The following ACSS3 variants were observed in gnomAD, a reference collection of about 807,000 sequenced individuals.
The protein encoded by ACSS3 is acyl-CoA synthetase short chain family member 3.
ACSS3 carries 64 observed loss-of-function variants against 84.2 expected under a neutral mutation model. That is an observed-to-expected ratio of 0.76 (90% CI 0.62 to 0.94). The LOEUF is 0.94. Among genes scored for constraint, ACSS3 ranks in the 40% least tolerant of loss-of-function variants. The pLI, the probability that ACSS3 is intolerant of heterozygous loss-of-function variation, is 0.00. For synonymous variants in ACSS3, 317 were observed against 310.1 expected, an observed-to-expected ratio of 1.02 and a Z score of -0.23; for missense variants, 815 against 867.6, an observed-to-expected ratio of 0.94 and a Z score of 0.76.
chr12:81,124,191 G>A (rs1014749878), intron 2 of ACSS3, among the ~76,000 whole-genome samples: 2 of 152,098 alleles, frequency 1.3e-5, no homozygotes, highest in African/African-American at 2.4e-5. Flanking sequence ...TCTGACTGGT[G>A]TGACATGGTA....
At chr12:81,078,634 T>C (rs1880775047) in intron 1 of ACSS3, among the ~76,000 whole-genome samples, 1 of 152,166 alleles carries the variant, frequency 6.6e-6, no homozygotes, top group African/African-American at 2.4e-5. Flanking sequence ...TGTTACCTAT[T>C]GTGAACCCAG....
At chr12:81,251,101 T>A (rs1031307966) in intron 13 of ACSS3, among the ~76,000 whole-genome samples, 3 of 152,150 alleles carry the variant, frequency 2.0e-5, no homozygotes, top group Admixed American at 6.5e-5. Context: ...CTTTTCAGAA[T>A]CCACTCTGAA....
At chr12:81,087,477 C>G (rs187604033) in intron 1 of ACSS3, among the ~76,000 whole-genome samples, 1 of 151,812 alleles carries the variant, frequency 6.6e-6, no homozygotes, top group Admixed American at 6.6e-5. Flanking sequence ...AAAAAGAATG[C>G]TTAATTTCTA....
intron 1 of ACSS3, among the ~76,000 whole-genome samples, chr12:81,099,997 C>T (rs1319584460): frequency 2.0e-5 from 3 of 152,064 alleles, no homozygotes; most frequent in African/African-American, 7.2e-5. Flanking sequence ...AATACATGCC[C>T]CAGTCTCACT....
chr12:81,198,376 A>G (rs999714619), intron 8 of ACSS3, among the ~76,000 whole-genome samples: 14 of 152,338 alleles, frequency 9.2e-5, no homozygotes, highest in African/African-American at 3.4e-4. Flanking sequence ...TTATTGGAAC[A>G]TAGGAGTGGA....
chr12:81,147,489 A>G (rs919095444), intron 5 of ACSS3, among the ~76,000 whole-genome samples: 1 of 152,222 alleles, frequency 6.6e-6, no homozygotes, highest in Non-Finnish European at 1.5e-5. Context: ...AGGTGGGGAT[A>G]TCAGTCCTCT....
chr12:81,240,908 C>T (rs1006824598), intron 13 of ACSS3, among the ~76,000 whole-genome samples: 8 of 151,910 alleles, frequency 5.3e-5, no homozygotes, highest in African/African-American at 1.9e-4. Context: ...CATATGTATA[C>T]ATGTGACATG....
In ACSS3 at chr12:81,244,905, C is replaced by CTGTG. The variant is rs146316314; in HGVS notation, c.1720-8380_1720-8377dup. 4.4e-3 allele frequency among the ~76,000 whole-genome samples: 656 copies of CTGTG among 148,256 alleles called. 6 individuals carry two copies. The highest frequency in any genetic ancestry group is 5.5e-3 in the South Asian group (26 of 4,690). On this transcript the variant is annotated intron_variant, in intron 13 of 15. Transcript: ENST00000548058. ...CTAATGCTTCTTCAGTCTATTCAAA[C>CTGTG]TGTGTGTGTGTGTGTGTGTGTGTGT...
intron 1 of ACSS3, among the ~76,000 whole-genome samples, chr12:81,084,326 A>T (rs7299770): frequency 0.06 from 9,070 of 152,242 alleles, 674 homozygotes; most frequent in African/African-American, 0.18. Flanking sequence ...TGAGAACATA[A>T]AATAATGTGA....
Position 81,259,663 on chromosome 12 carries a change from A to G in ACSS3, c.*4741A>G, listed in dbSNP as rs1489886591. On this transcript the variant is annotated 3_prime_UTR_variant, in exon 16 of 16. Transcript: ENST00000548058. The stretch of plus-strand genomic sequence containing the variant: ...AGAGTAGACTGAAAAGACGCCATCT[A>G]AAATATACAATGGATAGCATTAGTT... 1 of 1,533,918 alleles carries G rather than the reference A, an allele frequency of 6.5e-7. No homozygotes were observed. Among genetic ancestry groups the G allele is most frequent in the Non-Finnish European group, 8.7e-7 (1 of 1,145,246 alleles).
intron 12 of ACSS3, among the ~76,000 whole-genome samples, chr12:81,232,515 A>G (rs772081941): frequency 6.6e-6 from 1 of 151,766 alleles, no homozygotes; most frequent in African/African-American, 2.4e-5. Flanking sequence ...TTGCCTCTCT[A>G]ATATTAATAA....
intron 7 of ACSS3, among the ~76,000 whole-genome samples, chr12:81,170,579 A>G (rs1195510703): frequency 6.6e-6 from 1 of 152,174 alleles, no homozygotes; most frequent in Non-Finnish European, 1.5e-5. Flanking sequence ...AAGGAATTAA[A>G]TAAACAACTG....
chr12:81,191,858 GTT>G (rs1311728011), intron 8 of ACSS3, among the ~76,000 whole-genome samples: 1 of 151,470 alleles, frequency 6.6e-6, no homozygotes, highest in Non-Finnish European at 1.5e-5. Flanking sequence ...CTTTCATTGA[GTT>G]TATAATTCCT....
At chr12:81,242,447 C>A (rs945060123) in intron 13 of ACSS3, among the ~76,000 whole-genome samples, 1 of 150,404 alleles carries the variant, frequency 6.6e-6, no homozygotes, top group East Asian at 2.0e-4. Context: ...GAACTGGTAC[C>A]ATTCCTTCTG....
intron 8 of ACSS3, among the ~76,000 whole-genome samples, chr12:81,193,734 A>G (rs749068941): frequency 6.6e-5 from 10 of 152,014 alleles, no homozygotes; most frequent in Admixed American, 1.3e-4. Context: ...TGATAGGCAC[A>G]TGTGATTATT....
At position 81,190,647 on chromosome 12, in the gene ACSS3, G is replaced by A. The variant is rs539088863; in HGVS notation, c.1251-8694G>A. 4.2e-4 allele frequency among the ~76,000 whole-genome samples: 64 copies of A among 151,982 alleles called. 1 individual carries two copies. In the South Asian group the frequency reaches 0.013, roughly 30 times the overall value. ...CTCCAGTAAAGTATTTAATAGAATT[G>A]GTGGTAAAGCTCATTTTTGTCTCAT... On this transcript the variant is annotated intron_variant, in intron 8 of 15. Coordinates refer to ENST00000548058, the MANE Select transcript of ACSS3 (RefSeq NM_024560.4).
chr12:81,182,956 A>G (rs776946957), intron 8 of ACSS3, among the ~76,000 whole-genome samples: 2 of 152,170 alleles, frequency 1.3e-5, no homozygotes, highest in Non-Finnish European at 2.9e-5. Flanking sequence ...ATGAATACTG[A>G]CACAGAACAG....
chr12:81,219,323 T>G (rs186632727), intron 10 of ACSS3, among the ~76,000 whole-genome samples: 1 of 152,142 alleles, frequency 6.6e-6, no homozygotes, highest in East Asian at 1.9e-4. Context: ...AATTTTTTTC[T>G]GAGAGCAACA....
At chr12:81,089,348 T>C (rs866045351) in intron 1 of ACSS3, among the ~76,000 whole-genome samples, 1 of 152,028 alleles carries the variant, frequency 6.6e-6, no homozygotes, top group African/African-American at 2.4e-5. Flanking sequence ...AAGCAGAAGA[T>C]ATGCAGGTGG....
Sources: allele counts gnomAD v4.1 joint callset (sites outside exome capture counted in the v4.1 genomes callset), GRCh38; gene constraint gnomAD v4.1.1; transcripts MANE v1.5; gene names NCBI Gene and HGNC (gene_info 2026-07-23, HGNC 2026-07-21).